The following RGS9 variants were observed in gnomAD, a reference collection of about 807,000 sequenced individuals.
RGS9 encodes regulator of G protein signaling 9.
Under a neutral mutation model 102.0 loss-of-function variants are expected in RGS9, and 78 were observed. The ratio of observed to expected loss-of-function variants is 0.76; its 90% CI spans 0.64 to 0.92. The LOEUF (loss-of-function observed/expected upper bound fraction) is 0.92, where lower values mean the gene tolerates loss of function less well. RGS9 is among the 40% of genes least tolerant of loss of function. The pLI is 0.00. For missense variants in RGS9, 833 were observed against 866.1 expected (o/e 0.96, Z 0.48); for synonymous variants, 353 against 318.6 (o/e 1.11, Z -1.15).
chr17:65,142,574 CTTTTTTT>C (rs745663576), intron 1 of RGS9, among the ~76,000 whole-genome samples: 3 of 137,796 alleles, frequency 2.2e-5, no homozygotes, highest in Admixed American at 7.3e-5. Context: ...CCCTTCCTTT[CTTTTTTT>C]TTTTTTTTTG....
Position 65,168,293 on chromosome 17 carries a change from C to A in RGS9, c.582+12C>A, listed in dbSNP as rs545242379. 6.3e-6 allele frequency: 10 copies of A among 1,588,382 alleles called. No individual in the cohort carries two copies. In the South Asian group the frequency reaches 9.0e-5, roughly 14 times the overall value. ...TGCACCGATGCCCTGTGAGTATCCT[C>A]CTGCCTGGTGTCCTCTGTCTCTTCC... On this transcript the variant is annotated intron_variant, in intron 8 of 18. Coordinates refer to ENST00000262406, the MANE Select transcript of RGS9 (RefSeq NM_003835.4).
chr17:65,219,911 C>T (rs991118732), intron 17 of RGS9, among the ~76,000 whole-genome samples: 2 of 151,938 alleles, frequency 1.3e-5, no homozygotes, highest in African/African-American at 2.4e-5. Context: ...TCATCATCAC[C>T]ATCACCACCA....
At chr17:65,180,434 C>T (rs918916028) in intron 9 of RGS9, among the ~76,000 whole-genome samples, 15 of 152,196 alleles carry the variant, frequency 9.9e-5, no homozygotes, top group Middle Eastern at 3.4e-3. Context: ...CTGCAACCTC[C>T]GCCTTCCGGG....
At chr17:65,202,300 G>A (rs965283062) in intron 14 of RGS9, among the ~76,000 whole-genome samples, 1 of 152,076 alleles carries the variant, frequency 6.6e-6, no homozygotes, top group African/African-American at 2.4e-5. Context: ...TGCAGTGTGA[G>A]TCACCTGTTC....
At chr17:65,160,139 C>A in intron 3 of RGS9, 94 bp from the exon 4 acceptor site, 1 of 928,736 alleles carries the variant, frequency 1.1e-6, no homozygotes, top group South Asian at 1.3e-5. Context: ...TAGGAAGGGG[C>A]ACCTGTCCTG....
rs1019474469 is a variant in RGS9 at position 65,146,462 on chromosome 17, C to T, written c.58-6960C>T. 6.6e-5 allele frequency among the ~76,000 whole-genome samples: 10 copies of T among 151,950 alleles called. 1 individual carries two copies. The highest frequency in any genetic ancestry group is 1.5e-4 in the Non-Finnish European group (10 of 68,008). On this transcript the variant is annotated intron_variant, in intron 1 of 18. Coordinates refer to ENST00000262406, the MANE Select transcript of RGS9 (RefSeq NM_003835.4). ...AATTAGCTGGGTTTGGTGGGGTGCGCCTGTAGTCCCAGCTACTTGGGAGGC... is the reference window on the plus strand; with the variant it reads ...AATTAGCTGGGTTTGGTGGGGTGCGTCTGTAGTCCCAGCTACTTGGGAGGC...
chr17:65,174,056 G>C (rs945061414), intron 8 of RGS9, among the ~76,000 whole-genome samples: 4 of 152,256 alleles, frequency 2.6e-5, no homozygotes, highest in African/African-American at 9.6e-5. Context: ...TGGAGAGCCA[G>C]GTTGGGGCTG....
At chr17:65,140,885 T>TAA (rs5821625) in intron 1 of RGS9, among the ~76,000 whole-genome samples, 1 of 146,376 alleles carries the variant, frequency 6.8e-6, no homozygotes, top group Non-Finnish European at 1.5e-5. Flanking sequence ...AGACTCTGTC[T>TAA]AAAAAAAAAA....
chr17:65,186,328 C>T (rs1912120211), intron 9 of RGS9, among the ~76,000 whole-genome samples: 1 of 151,710 alleles, frequency 6.6e-6, no homozygotes, highest in African/African-American at 2.4e-5. Context: ...CCGCCTCCAC[C>T]CCACCCCCCA....
At chr17:65,158,968 G>GA (rs1413189582) in intron 3 of RGS9, among the ~76,000 whole-genome samples, 1 of 152,202 alleles carries the variant, frequency 6.6e-6, no homozygotes, top group African/African-American at 2.4e-5. Context: ...CAGATGGCCT[G>GA]AAATGAACTG....
chr17:65,156,666 A>T (rs920799952), intron 2 of RGS9, among the ~76,000 whole-genome samples: 3 of 152,110 alleles, frequency 2.0e-5, no homozygotes, highest in Non-Finnish European at 4.4e-5. Flanking sequence ...ATCTCATTTG[A>T]TCTATTTCGG....
In RGS9 at chr17:65,190,237, G is replaced by A. The variant is rs745697064; in HGVS notation, c.746+1G>A. 19 of 1,611,252 alleles carry A rather than the reference G, an allele frequency of 1.2e-5. No individual in the cohort carries two copies. The highest frequency in any genetic ancestry group is 1.5e-5 in the Non-Finnish European group (18 of 1,177,454). ...TGAAGTCTTCTGTGTCCCTGGGAGG[G>A]TATGTCCCTGATTTGTTGATCTTGC... On this transcript the variant is annotated splice_donor_variant, in intron 11 of 18. Coordinates refer to ENST00000262406, the MANE Select transcript of RGS9 (RefSeq NM_003835.4). LOFTEE classifies it high-confidence loss of function.
At chr17:65,163,488 G>A (rs545314700) in intron 7 of RGS9, among the ~76,000 whole-genome samples, 1 of 152,164 alleles carries the variant, frequency 6.6e-6, no homozygotes, top group Non-Finnish European at 1.5e-5. Context: ...CACTGCGCCT[G>A]GACTCTTTCC....
chr17:65,208,682 G>C (rs562392987), intron 16 of RGS9, among the ~76,000 whole-genome samples: 22 of 152,232 alleles, frequency 1.4e-4, no homozygotes, highest in East Asian at 3.9e-4. Flanking sequence ...AAACTGTAAG[G>C]CTTTGGCAGA....
At chr17:65,216,616 A>G (rs917880660) in intron 17 of RGS9, among the ~76,000 whole-genome samples, 1 of 152,188 alleles carries the variant, frequency 6.6e-6, no homozygotes, top group Non-Finnish European at 1.5e-5. Flanking sequence ...CAGCCTGGGC[A>G]ACGATTTTAC....
chr17:65,206,085 G>T (rs944526238), intron 15 of RGS9, among the ~76,000 whole-genome samples: 1 of 152,150 alleles, frequency 6.6e-6, no homozygotes, highest in Non-Finnish European at 1.5e-5. Context: ...TATGATATAG[G>T]TTATGTATAT....
intron 13 of RGS9, among the ~76,000 whole-genome samples, chr17:65,198,956 A>G (rs1306977365): frequency 6.6e-6 from 1 of 152,206 alleles, no homozygotes; most frequent in African/African-American, 2.4e-5. Flanking sequence ...CTAGTGGCAA[A>G]GTGACAACAT....
intron 2 of RGS9, among the ~76,000 whole-genome samples, chr17:65,154,374 T>C (rs145151748): frequency 7.6e-4 from 115 of 152,294 alleles, no homozygotes; most frequent in African/African-American, 2.5e-3. Context: ...ACTAAAGTCT[T>C]CCTCTGAGGA....
At chr17:65,164,480 C>A (rs938926821) in intron 7 of RGS9, among the ~76,000 whole-genome samples, 3 of 152,184 alleles carry the variant, frequency 2.0e-5, no homozygotes, top group Non-Finnish European at 4.4e-5. Context: ...ATGATCCCCC[C>A]AGTCCAGCCT....
Sources: allele counts gnomAD v4.1 joint callset (sites outside exome capture counted in the v4.1 genomes callset), GRCh38; gene constraint gnomAD v4.1.1; transcripts MANE v1.5; gene names NCBI Gene and HGNC (gene_info 2026-07-23, HGNC 2026-07-21).